The following ZNF84 variants were observed in gnomAD, a reference collection of about 807,000 sequenced individuals.
ZNF84 encodes the protein zinc finger protein HPF2.
ZNF84 carries 12 observed loss-of-function variants against 14.8 expected under a neutral mutation model. The ratio of observed to expected loss-of-function variants is 0.81; its 90% CI spans 0.52 to 1.31. The LOEUF (loss-of-function observed/expected upper bound fraction) is 1.31. ZNF84 is among the 50% of genes most tolerant of loss of function. The probability of loss-of-function intolerance (pLI) is 0.00; values close to 1 mark genes in which losing one functional copy is unlikely to be tolerated. For synonymous variants in ZNF84, 347 were observed against 291.1 expected (o/e 1.19, Z -1.96); for missense variants, 859 against 878.6 (o/e 0.98, Z 0.28).
chr12:133,048,346 T>C (rs1364040037), intron 3 of ZNF84: 2 of 343,578 alleles, frequency 5.8e-6, no homozygotes, highest in African/African-American at 4.1e-5. Flanking sequence ...ACCTAATGCA[T>C]ATAACTTACT....
In ZNF84 at chr12:133,059,154, T is replaced by G; in HGVS notation, c.*222T>G. On this transcript the variant is annotated 3_prime_UTR_variant, in exon 5 of 5. Transcript: ENST00000539354. ...CTTTTAAAACCATAGACAAGCCTTA[T>G]AGAGTAGAACATTCACAGCAAAGAA... is the stretch of plus-strand genomic sequence containing the variant. 1 of 479,024 alleles carries G rather than the reference T, an allele frequency of 2.1e-6. No homozygotes were observed. The highest frequency in any genetic ancestry group is 3.6e-6 in the Non-Finnish European group (1 of 274,274). The allele number at this position is 479,024 out of a possible 1,614,324, so 29.7% of individuals were successfully genotyped here.
intron 2 of ZNF84, 117 bp downstream of exon 2, chr12:133,041,599 G>A (rs1312006218): frequency 1.9e-6 from 2 of 1,075,462 alleles, no homozygotes; most frequent in East Asian, 4.8e-5. Flanking sequence ...AGCCTCAGAT[G>A]ATCAGGATTG....
rs1209546209 is a variant in ZNF84, at chr12:133,057,249, A to G, written c.534A>G (p.Lys178=). The change falls in exon 5 of 5, where the codon AAA becomes AAG. Residue 178 remains lysine, a synonymous_variant. Coordinates refer to ENST00000539354, the MANE Select transcript of ZNF84 (RefSeq NM_001289971.2). ...CTGAGGATACTGATACCTGGTTAAA[A>G]TACTATGACTGTGATAAATATAAAG... The part of the protein sequence containing the change: ...SKPEDTDTWL[K]YYDCDKYKES... 3 of 1,613,848 alleles carry G rather than the reference A, an allele frequency of 1.9e-6. No homozygotes were observed. The highest frequency in any genetic ancestry group is 2.5e-6 in the Non-Finnish European group (3 of 1,179,996).
At chr12:133,047,887 T>C in intron 2 of ZNF84, 68 bp from the exon 3 acceptor site, 1 of 1,566,352 alleles carries the variant, frequency 6.4e-7, no homozygotes. Context: ...GTGCTAAAGC[T>C]CCAATATTTT....
At position 133,063,226 on chromosome 12, in the gene ZNF84, C is replaced by T; in HGVS notation, c.*4294C>T. 1 of 702,354 alleles carries T rather than the reference C, an allele frequency of 1.4e-6. No individual in the cohort carries two copies. The highest frequency in any genetic ancestry group is 2.6e-6 in the Non-Finnish European group (1 of 384,834). The allele number at this position is 702,354 out of a possible 1,614,324, so 43.5% of individuals were successfully genotyped here. ...CTTCATGTTCAGGTCCACCTCTGCCCTTTTCATGTCTTGATTGTTGAATTC... is the reference window on the plus strand; with the variant it reads ...CTTCATGTTCAGGTCCACCTCTGCCTTTTTCATGTCTTGATTGTTGAATTC... On this transcript the variant is annotated 3_prime_UTR_variant, in exon 5 of 5. Transcript: ENST00000539354.
rs1954237832 is a variant in ZNF84, at chr12:133,060,333, A to T, written c.*1401A>T. ...TTTGTGCTGGAAAAACATTTTTGACATTCAAGGATGCCTATTTTATCTTCT... is the reference window on the plus strand; with the variant it reads ...TTTGTGCTGGAAAAACATTTTTGACTTTCAAGGATGCCTATTTTATCTTCT... On this transcript the variant is annotated 3_prime_UTR_variant, in exon 5 of 5. Transcript: ENST00000539354. The T allele has an allele frequency of 6.6e-6, 1 of 152,194 alleles. No individual in the cohort carries two copies. The highest frequency in any genetic ancestry group is 1.5e-5 in the Non-Finnish European group (1 of 68,026). 9.4% of individuals were successfully genotyped at this position (152,194 alleles called of 1,614,324 possible).
Position 133,057,021 on chromosome 12 carries a change from A to G in ZNF84, c.306A>G (p.Lys102=), listed in dbSNP as rs1214654620. The change falls in exon 5 of 5, where the codon AAA becomes AAG. Residue 102 remains lysine, a synonymous_variant. Transcript: ENST00000539354. ...QDNQDKLKII[K]RGHECDAFGK... is the part of the protein sequence containing the mutation. ...ACCAAGACAAGCTTAAAATTATAAA[A>G]AGAGGTCATGAATGTGATGCATTTG... is the stretch of plus-strand genomic sequence containing the variant. 8.7e-6 allele frequency: 14 copies of G among 1,608,976 alleles called. No individual in the cohort carries two copies. The highest frequency in any genetic ancestry group is 1.2e-5 in the Non-Finnish European group (14 of 1,178,738).
chr12:133,047,331 T>C (rs1002733139), intron 2 of ZNF84, among the ~76,000 whole-genome samples: 6 of 152,126 alleles, frequency 3.9e-5, no homozygotes, highest in African/African-American at 1.4e-4. Context: ...ATAAAAATTA[T>C]CACAAAAGAC....
At position 133,058,018 on chromosome 12, in the gene ZNF84, C is replaced by T. The variant is rs1954192266; in HGVS notation, c.1303C>T (p.Gln435Ter). 1 of 1,612,658 alleles carries T rather than the reference C, an allele frequency of 6.2e-7. No individual in the cohort carries two copies. The stretch of plus-strand genomic sequence containing the variant: ...AGGAGAGAAACCTCATGGATGCATT[C>T]AGTGTGGGAAGGCCTTCTCCCAGAA... ...HTGEKPHGCIQCGKAFSQKSH... is the reference protein window; with the variant it reads ...HTGEKPHGCI Residue 435 changes from glutamine to a stop codon, truncating the protein, a stop_gained, in exon 5 of 5, where the codon CAG becomes TAG. Transcript: ENST00000539354. LOFTEE classifies it low-confidence loss of function (END_TRUNC).
At position 133,048,009 on chromosome 12, in the gene ZNF84, C is replaced by T. The variant is rs1954011916; in HGVS notation, c.70C>T (p.Leu24=). 6.2e-6 allele frequency: 10 copies of T among 1,613,942 alleles called. No individual in the cohort carries two copies. The Admixed American group carries it at 1.3e-4, about 22-fold the overall frequency. The change falls in exon 3 of 5, where the codon CTA becomes TTA. Residue 24 remains leucine, a synonymous_variant. Transcript: ENST00000539354. ...SVDFTQKEWQ[L]LDPSQKNLYK... is the part of the protein sequence containing the mutation. ...GGACTTCACCCAAAAGGAGTGGCAGCTACTGGATCCCTCTCAGAAGAATTT... is the reference window on the plus strand; with the variant it reads ...GGACTTCACCCAAAAGGAGTGGCAGTTACTGGATCCCTCTCAGAAGAATTT...
chr12:133,048,461 A>C (rs1286155400), intron 3 of ZNF84: 9 of 296,576 alleles, frequency 3.0e-5, no homozygotes, highest in African/African-American at 1.7e-4. Flanking sequence ...CCTGATGAGA[A>C]GATCGAGGCC....
At chr12:133,042,135 T>C (rs1953898706) in intron 2 of ZNF84, among the ~76,000 whole-genome samples, 2 of 152,236 alleles carry the variant, frequency 1.3e-5, no homozygotes, top group South Asian at 2.1e-4. Context: ...AGTAGCCATC[T>C]GAGGTGTCAG....
chr12:133,058,525 T>C lies in ZNF84; in HGVS notation c.1810T>C (p.Cys604Arg). 6.2e-7 allele frequency: 1 copy of C among 1,614,034 alleles called. No homozygotes were observed. The highest frequency in any genetic ancestry group is 8.5e-7 in the Non-Finnish European group (1 of 1,179,982). ...AGAGAAACCCTATGAATGCAGTCTT[T>C]GTAGGAAAGCTTTTTTTGAGAAGTC... ...TGEKPYECSL[C>R]RKAFFEKSEL... The change falls in exon 5 of 5, where the codon TGT (cysteine) becomes CGT (arginine). Residue 604 changes from cysteine to arginine, a missense_variant. Transcript: ENST00000539354.
At chr12:133,053,180 A>G (rs1204873062) in intron 4 of ZNF84, among the ~76,000 whole-genome samples, 1 of 152,210 alleles carries the variant, frequency 6.6e-6, no homozygotes, top group Non-Finnish European at 1.5e-5. Context: ...TACAGCAGAG[A>G]AAGTGATGGA....
rs1954225832 is a variant in ZNF84 at position 133,059,745 on chromosome 12, A to T, written c.*813A>T. ...CTGATGTCTGTGAAGACAACACTAC[A>T]CACCACTGGTTTTTATTTTTTAACA... On this transcript the variant is annotated 3_prime_UTR_variant, in exon 5 of 5. Coordinates refer to ENST00000539354, the MANE Select transcript of ZNF84 (RefSeq NM_001289971.2). 1 of 152,202 alleles carries T rather than the reference A, an allele frequency of 6.6e-6. No homozygotes were observed. Among genetic ancestry groups the T allele is most frequent in the South Asian group, 2.1e-4 (1 of 4,834 alleles). The allele number at this position is 152,202 out of a possible 1,614,324, so 9.4% of individuals were successfully genotyped here. A position where few individuals can be genotyped will look rare whatever the true frequency, so the allele number is the denominator to read the frequency against.
At position 133,057,972 on chromosome 12, in the gene ZNF84, T is replaced by G. The variant is rs1190176677; in HGVS notation, c.1257T>G (p.Ile419Met). The stretch of plus-strand genomic sequence containing the variant: ...CATTTAGAGAGAGGTCGAGTCTCAT[T>G]AATCATCAGAGAACACATACAGGAG... ...RKAFRERSSL[I>M]NHQRTHTGEK... Residue 419 changes from isoleucine to methionine, a missense_variant, in exon 5 of 5, where the codon ATT becomes ATG. Ile to Met is a conservative substitution (Grantham distance 10). Coordinates refer to ENST00000539354, the MANE Select transcript of ZNF84 (RefSeq NM_001289971.2). The G allele has an allele frequency of 3.1e-6, 5 of 1,613,024 alleles. No homozygotes were observed. In the African/African-American group the frequency reaches 5.4e-5, roughly 17 times the overall value.
chr12:133,062,872 TA>T lies in ZNF84; in HGVS notation c.*3941del, dbSNP rs1954287439. 4 of 531,726 alleles carry T rather than the reference TA, an allele frequency of 7.5e-6. No homozygotes were observed. In the East Asian group the frequency reaches 1.2e-4, roughly 15 times the overall value. 32.9% of individuals were successfully genotyped at this position (531,726 alleles called of 1,614,324 possible). ...GTTCCTTGAGATTTCTATTATCACT[TA>T]TGTTTTTGCAAATCTGCAATTGAAA... is the stretch of plus-strand genomic sequence containing the variant. On this transcript the variant is annotated 3_prime_UTR_variant, in exon 5 of 5. Transcript: ENST00000539354.
intron 3 of ZNF84, chr12:133,048,479 G>A (rs1278086171): frequency 6.4e-6 from 2 of 310,384 alleles, no homozygotes; most frequent in East Asian, 1.2e-4. Context: ...GCCAAGAGAG[G>A]TTAAGTAACT....
intron 4 of ZNF84, among the ~76,000 whole-genome samples, chr12:133,051,136 A>T: frequency 7.0e-6 from 1 of 142,302 alleles, no homozygotes; most frequent in East Asian, 2.2e-4. Flanking sequence ...TTTATGTGGT[A>T]AGGCAGATTT....
Sources: gnomAD v4.1 joint callset for allele counts (sites outside exome capture counted in the v4.1 genomes callset) on GRCh38, gnomAD v4.1.1 for gene constraint, MANE v1.5 for transcripts, NCBI Gene and HGNC (gene_info 2026-07-23, HGNC 2026-07-21) for gene names.